SLC24A3: variants seen among roughly 807,000 people sequenced by gnomAD.
SLC24A3 encodes the protein sodium/potassium/calcium exchanger 3.
Under a neutral mutation model 75.8 loss-of-function variants are expected in SLC24A3, and 28 were observed. The observed-to-expected ratio is 0.37, with a 90% CI of 0.27 to 0.51. SLC24A3 has a LOEUF of 0.51. Ranked by LOEUF, SLC24A3 falls within the 20% of genes least tolerant of loss-of-function variation. The probability of loss-of-function intolerance (pLI) is 0.94; values close to 1 mark genes in which losing one functional copy is unlikely to be tolerated. For synonymous variants in SLC24A3, 372 were observed against 334.1 expected, an observed-to-expected ratio of 1.11 and a Z score of -1.24; for missense variants, 663 against 847.8, an observed-to-expected ratio of 0.78 and a Z score of 2.71.
intron 6 of SLC24A3, among the ~76,000 whole-genome samples, chr20:19,615,922 G>A (rs1051948687): frequency 1.3e-5 from 2 of 152,114 alleles, no homozygotes; most frequent in African/African-American, 4.8e-5. Context: ...GCCACTACTG[G>A]CTTCTCTCTT....
chr20:19,443,733 A>T (rs1270167882), intron 2 of SLC24A3, among the ~76,000 whole-genome samples: 1 of 152,226 alleles, frequency 6.6e-6, no homozygotes, highest in Non-Finnish European at 1.5e-5. Context: ...GAGAGGAAAC[A>T]TCATTGCCTT....
chr20:19,432,816 TG>T lies in SLC24A3; in HGVS notation c.272-82671del, dbSNP rs1186310820. 2.0e-5 allele frequency among the ~76,000 whole-genome samples: 3 copies of T among 152,246 alleles called. No homozygotes were observed. In the East Asian group the frequency reaches 5.8e-4, roughly 29 times the overall value. ...GTAAACTGTGAAAAGTAGAAATTCA[TG>T]TGAATGCTTCAAGTTTTTTTGATGA... On this transcript the variant is annotated intron_variant, in intron 2 of 16. Coordinates refer to ENST00000328041, the MANE Select transcript of SLC24A3 (RefSeq NM_020689.4).
At chr20:19,586,497 G>C (rs1336697376) in intron 6 of SLC24A3, among the ~76,000 whole-genome samples, 1 of 152,048 alleles carries the variant, frequency 6.6e-6, no homozygotes, top group Non-Finnish European at 1.5e-5. Context: ...GATTGGGTCA[G>C]GGGGCTAAGG....
intron 2 of SLC24A3, among the ~76,000 whole-genome samples, chr20:19,327,376 TAG>T (rs1359344001): frequency 6.6e-6 from 1 of 152,186 alleles, no homozygotes; most frequent in Admixed American, 6.5e-5. Flanking sequence ...TGCCCTCAGG[TAG>T]AGATGCCAAC....
At chr20:19,430,761 C>T (rs574525336) in intron 2 of SLC24A3, among the ~76,000 whole-genome samples, 16 of 151,654 alleles carry the variant, frequency 1.1e-4, no homozygotes, top group South Asian at 2.1e-4. Flanking sequence ...TAGACTCACA[C>T]ACTTGCATGC....
intron 3 of SLC24A3, among the ~76,000 whole-genome samples, chr20:19,548,116 AG>A (rs947908537): frequency 5.8e-4 from 89 of 152,324 alleles, no homozygotes; most frequent in African/African-American, 2.1e-3. Context: ...TGGTATCAAA[AG>A]GGGCTGATTT....
chr20:19,274,592 A>G (rs1983427088), intron 1 of SLC24A3, among the ~76,000 whole-genome samples: 3 of 151,998 alleles, frequency 2.0e-5, no homozygotes, highest in Admixed American at 2.0e-4. Flanking sequence ...ACCTTGAACA[A>G]AAGCACAGGG....
chr20:19,489,760 A>G (rs1330889641), intron 2 of SLC24A3, among the ~76,000 whole-genome samples: 2 of 136,664 alleles, frequency 1.5e-5, no homozygotes, highest in East Asian at 2.5e-4. Context: ...GACAAATTAT[A>G]TATGTTCAGA....
intron 2 of SLC24A3, among the ~76,000 whole-genome samples, chr20:19,289,305 C>G (rs1983885148): frequency 6.6e-6 from 1 of 152,088 alleles, no homozygotes; most frequent in Admixed American, 6.5e-5. Context: ...AGCTTGAAAC[C>G]ACGGGCCTGG....
In SLC24A3 at chr20:19,325,795, T is replaced by TATAGAGAG. The variant is rs1251419875; in HGVS notation, c.271+44709_271+44710insTAGAGAGA. Among the ~76,000 whole-genome samples the TATAGAGAG allele has an allele frequency of 8.1e-4, 55 of 67,796 alleles. 1 individual carries two copies. Among genetic ancestry groups the TATAGAGAG allele is most frequent in the East Asian group, 3.1e-3 (5 of 1,594 alleles). The allele number at this position is 67,796 out of a possible 152,430, so 44.5% of individuals were successfully genotyped here. A position where few individuals can be genotyped will look rare whatever the true frequency, so the allele number is the denominator to read the frequency against. On this transcript the variant is annotated intron_variant, in intron 2 of 16. Transcript: ENST00000328041. Reference sequence around the variant, plus strand: ...ATATATACATATATATATATATATATAGAGAGAGAGAGAGAGAGAGAGAGA... The same window carrying TATAGAGAG: ...ATATATACATATATATATATATATATATAGAGAGAGAGAGAGAGAGAGAGAGAGAGAGA...
intron 8 of SLC24A3, among the ~76,000 whole-genome samples, chr20:19,670,746 C>T (rs113258915): frequency 0.057 from 8,741 of 152,204 alleles, 303 homozygotes; most frequent in Middle Eastern, 0.12. Context: ...ACATTGGTGT[C>T]GATGAGATAA....
At position 19,519,425 on chromosome 20, in the gene SLC24A3, C is replaced by T. The variant is rs368958134; in HGVS notation, c.348+3861C>T. On this transcript the variant is annotated intron_variant, in intron 3 of 16. Coordinates refer to ENST00000328041, the MANE Select transcript of SLC24A3 (RefSeq NM_020689.4). ...TGCTGGTTCAACTTTCTGAACATCG[C>T]AGCTTGAATGTTCCCTTGGATCTTT... 2.1e-4 allele frequency among the ~76,000 whole-genome samples: 32 copies of T among 152,296 alleles called. No individual in the cohort carries two copies. In the East Asian group the frequency reaches 5.4e-3, roughly 26 times the overall value.
intron 15 of SLC24A3, 89 bp downstream of exon 15, chr20:19,698,769 G>GA: frequency 1.0e-6 from 1 of 960,040 alleles, no homozygotes; most frequent in Non-Finnish European, 1.6e-6. Context: ...TTGTCTCGGG[G>GA]AAAAAGGGGT....
At chr20:19,325,789 TATATATAGAGAGAGAG>T (rs1442618103) in intron 2 of SLC24A3, among the ~76,000 whole-genome samples, 2 of 92,502 alleles carry the variant, frequency 2.2e-5, no homozygotes, top group South Asian at 4.2e-4. Context: ...TATATATATA[TATATATAGAGAGAGAG>T]AGAGAGAGAG....
intron 2 of SLC24A3, among the ~76,000 whole-genome samples, chr20:19,428,256 A>G (rs1987045811): frequency 6.6e-6 from 1 of 152,114 alleles, no homozygotes; most frequent in South Asian, 2.1e-4. Context: ...GTTTGCCTCA[A>G]CCAGCTCATT....
chr20:19,569,724 C>T (rs1332682917), intron 3 of SLC24A3, among the ~76,000 whole-genome samples: 2 of 152,112 alleles, frequency 1.3e-5, no homozygotes, highest in Non-Finnish European at 2.9e-5. Flanking sequence ...TCCCTCCACT[C>T]CTGTGATCAT....
rs143705164 is a variant in SLC24A3, at chr20:19,408,080, T to G, written c.272-107408T>G. Among the ~76,000 whole-genome samples, 809 of 152,310 alleles carry G rather than the reference T, an allele frequency of 5.3e-3. 3 individuals carry two copies. The highest frequency in any genetic ancestry group is 9.2e-3 in the Non-Finnish European group (627 of 68,018). On this transcript the variant is annotated intron_variant, in intron 2 of 16. Coordinates refer to ENST00000328041, the MANE Select transcript of SLC24A3 (RefSeq NM_020689.4). ...AGTCCTCCCTTACCTCAATAAAATG[T>G]GGGAATAAAATGTTGAGTACAAATG...
chr20:19,373,058 G>A (rs1986018282), intron 2 of SLC24A3, among the ~76,000 whole-genome samples: 2 of 99,974 alleles, frequency 2.0e-5, no homozygotes, highest in Middle Eastern at 9.8e-3. Flanking sequence ...CTTTAGTTTT[G>A]CGATTTTTTT....
intron 2 of SLC24A3, among the ~76,000 whole-genome samples, chr20:19,370,916 C>T (rs1421349455): frequency 6.6e-6 from 1 of 152,084 alleles, no homozygotes; most frequent in Non-Finnish European, 1.5e-5. Context: ...TGGTGGTTCT[C>T]ATCCTTTAGT....
Sources: gnomAD v4.1 joint callset for allele counts (sites outside exome capture counted in the v4.1 genomes callset) on GRCh38, gnomAD v4.1.1 for gene constraint, MANE v1.5 for transcripts, NCBI Gene and HGNC (gene_info 2026-07-23, HGNC 2026-07-21) for gene names.